DNAH3: variants seen among roughly 807,000 people sequenced by gnomAD.
DNAH3 encodes the protein axonemal beta dynein heavy chain 3.
In DNAH3, 332 loss-of-function variants were observed where a neutral mutation model predicts 432.5. The ratio of observed to expected loss-of-function variants is 0.77; its 90% CI spans 0.70 to 0.84. The LOEUF is 0.84. Among genes scored for constraint, DNAH3 ranks in the 40% least tolerant of loss-of-function variants. DNAH3 has a pLI of 0.00. For synonymous variants in DNAH3, 1,956 were observed against 1,900.2 expected, an observed-to-expected ratio of 1.03 and a Z score of -0.76; for missense variants, 4,861 against 5,114.0, an observed-to-expected ratio of 0.95 and a Z score of 1.51.
At chr16:21,040,086 T>C in intron 32 of DNAH3, 143 bp from the exon 33 acceptor site, 3 of 714,742 alleles carry the variant, frequency 4.2e-6, no homozygotes, top group Non-Finnish European at 7.2e-6. Flanking sequence ...GGGGGACAAG[T>C]GAGTGCAGAT....
chr16:20,975,110 T>G, intron 51 of DNAH3, 123 bp downstream of exon 51: 1 of 1,174,084 alleles, frequency 8.5e-7, no homozygotes, highest in East Asian at 2.4e-5. Flanking sequence ...GGATTACAGC[T>G]GTGAGCCACC....
chr16:21,053,535 T>C (rs1297964773), intron 28 of DNAH3, among the ~76,000 whole-genome samples: 1 of 152,180 alleles, frequency 6.6e-6, no homozygotes, highest in South Asian at 2.1e-4. Flanking sequence ...TGGGGTACCC[T>C]GGGCAGTATA....
intron 1 of DNAH3, among the ~76,000 whole-genome samples, chr16:21,155,346 G>A (rs1236615963): frequency 2.0e-5 from 3 of 151,942 alleles, no homozygotes; most frequent in African/African-American, 7.2e-5. Context: ...TTTTAGGGCC[G>A]GGAGCAGTGG....
chr16:21,109,846 C>T (rs933166420), intron 14 of DNAH3, among the ~76,000 whole-genome samples: 2 of 151,906 alleles, frequency 1.3e-5, no homozygotes, highest in Non-Finnish European at 2.9e-5. Context: ...TCAAGTGATC[C>T]TCTCGCCTCA....
chr16:21,040,386 T>TA (rs1225718127), intron 32 of DNAH3, among the ~76,000 whole-genome samples: 1 of 123,426 alleles, frequency 8.1e-6, no homozygotes, highest in Admixed American at 8.0e-5. Flanking sequence ...TTTTTTTTTT[T>TA]AAGACAGAGT....
In DNAH3 at chr16:20,959,161, G is replaced by A. The variant is rs980346268; in HGVS notation, c.10826+18C>T. 1 of 1,611,076 alleles carries A rather than the reference G, an allele frequency of 6.2e-7. No homozygotes were observed. The highest frequency in any genetic ancestry group is 8.5e-7 in the Non-Finnish European group (1 of 1,177,294). On this transcript the variant is annotated intron_variant, in intron 54 of 61. Transcript: ENST00000261383. ...GAGGTTGGGTCCCAGAGAAGGCAGT[G>A]GTGGGACAGCATCTCACCTGAATCT...
chr16:21,157,995 G>C (rs1431907328), intron 1 of DNAH3, among the ~76,000 whole-genome samples: 1 of 151,986 alleles, frequency 6.6e-6, no homozygotes, highest in East Asian at 1.9e-4. Flanking sequence ...CCACAGCTCA[G>C]AAACAGAATT....
intron 11 of DNAH3, among the ~76,000 whole-genome samples, chr16:21,119,817 T>TAC (rs2092296424): frequency 6.7e-6 from 1 of 150,322 alleles, no homozygotes; most frequent in South Asian, 2.1e-4. Flanking sequence ...AGGCTGGTAT[T>TAC]GAACTCCTGA....
chr16:21,071,442 G>A (rs1055173130), intron 21 of DNAH3, among the ~76,000 whole-genome samples: 1 of 151,728 alleles, frequency 6.6e-6, no homozygotes, highest in African/African-American at 2.4e-5. Flanking sequence ...CCAAAGTGTT[G>A]GGATTACAGG....
chr16:21,155,823 A>G (rs972820575), intron 1 of DNAH3, among the ~76,000 whole-genome samples: 12 of 152,158 alleles, frequency 7.9e-5, no homozygotes, highest in African/African-American at 2.9e-4. Flanking sequence ...GCCTCTTGTT[A>G]TCAAGAGTTT....
At chr16:21,035,936 G>T (rs1250189789) in intron 35 of DNAH3, among the ~76,000 whole-genome samples, 1 of 152,156 alleles carries the variant, frequency 6.6e-6, no homozygotes, top group Non-Finnish European at 1.5e-5. Context: ...GACGGAGATG[G>T]TGGAGTTGAT....
At chr16:21,031,477 C>G (rs1243654214) in intron 36 of DNAH3, among the ~76,000 whole-genome samples, 191 bp from the exon 37 acceptor site, 1 of 152,014 alleles carries the variant, frequency 6.6e-6, no homozygotes, top group Non-Finnish European at 1.5e-5. Flanking sequence ...TAGCTCACAC[C>G]CATAATCCCA....
intron 1 of DNAH3, among the ~76,000 whole-genome samples, chr16:21,156,113 G>A (rs748889874): frequency 9.2e-5 from 14 of 152,060 alleles, no homozygotes; most frequent in Non-Finnish European, 1.6e-4. Flanking sequence ...ACTTCTCATT[G>A]TATCCTCACA....
exon 27 of DNAH3, chr16:21,058,192 G>A (rs1661636086): frequency 1.9e-6 from 3 of 1,604,204 alleles, no homozygotes; most frequent in African/African-American, 2.7e-5. Context: ...GTGATTTCGA[G>A]GGACCTGGAA....
intron 23 of DNAH3, among the ~76,000 whole-genome samples, chr16:21,069,178 C>T (rs1452334395): frequency 6.6e-6 from 1 of 152,208 alleles, no homozygotes; most frequent in South Asian, 2.1e-4. Flanking sequence ...CTCTTGACCT[C>T]AAGTGATACC....
chr16:20,946,358 C>T (rs2152571876), intron 57 of DNAH3, among the ~76,000 whole-genome samples: 1 of 152,244 alleles, frequency 6.6e-6, no homozygotes, highest in South Asian at 2.1e-4. Flanking sequence ...TCGAGTTTTC[C>T]CGTCTTTCTG....
In DNAH3 at chr16:20,969,904, G is replaced by C. The variant is rs76979211; in HGVS notation, c.8346C>G (p.Ile2782Met). The C allele has an allele frequency of 4.6e-3, 7,406 of 1,614,160 alleles. 309 individuals are homozygous for C. In the African/African-American group the frequency reaches 0.086, roughly 19 times the overall value. ...GGTTCTGCATCGACTTCACCAGCGA[G>C]ATGTCGGCCGGGTTCAGGGTGTCCA... is the stretch of plus-strand genomic sequence containing the variant. The change falls in exon 52 of 62, where the codon ATC (isoleucine) becomes ATG (methionine). Residue 2782 changes from isoleucine to methionine, a missense_variant. Coordinates refer to ENST00000261383, the Ensembl canonical transcript of DNAH3.
chr16:21,110,379 T>A (rs2092041991), intron 14 of DNAH3, among the ~76,000 whole-genome samples: 1 of 152,164 alleles, frequency 6.6e-6, no homozygotes, highest in Non-Finnish European at 1.5e-5. Flanking sequence ...GGGCCAGGAC[T>A]TTTCCAAGGA....
intron 9 of DNAH3, among the ~76,000 whole-genome samples, chr16:21,124,367 T>C (rs1277718403): frequency 6.6e-6 from 1 of 152,244 alleles, no homozygotes; most frequent in East Asian, 1.9e-4. Flanking sequence ...GCAATTTTTC[T>C]TTAAATTTTC....
Sources: gnomAD v4.1 joint callset for allele counts (sites outside exome capture counted in the v4.1 genomes callset) on GRCh38, gnomAD v4.1.1 for gene constraint, MANE v1.5 for transcripts, NCBI Gene and HGNC (gene_info 2026-07-23, HGNC 2026-07-21) for gene names.